The following DYNC1H1 variants were observed in gnomAD, a reference collection of about 807,000 sequenced individuals.
The protein encoded by DYNC1H1 is dynein cytoplasmic 1 heavy chain 1.
DYNC1H1 carries 51 observed loss-of-function variants against 527.1 expected under a neutral mutation model. The ratio of observed to expected loss-of-function variants is 0.10; its 90% confidence interval spans 0.08 to 0.12. DYNC1H1 has a LOEUF of 0.12. DYNC1H1 is among the 10% of genes least tolerant of loss of function. The probability of loss-of-function intolerance (pLI) is 1.00; values close to 1 mark genes in which losing one functional copy is unlikely to be tolerated. For synonymous variants in DYNC1H1, 2,189 were observed against 2,278.8 expected, an observed-to-expected ratio of 0.96 and a Z score of 1.12; for missense variants, 2,771 against 5,971.8, an observed-to-expected ratio of 0.46 and a Z score of 17.66.
At chr14:101,971,499 G>A (rs887688164) in intron 1 of DYNC1H1, among the ~76,000 whole-genome samples, 4 of 152,188 alleles carry the variant, frequency 2.6e-5, no homozygotes, top group African/African-American at 9.6e-5. Context: ...GGCTGAGGCA[G>A]GCAGATCACT....
At chr14:102,003,443 G>A (rs1186504871) in intron 23 of DYNC1H1, among the ~76,000 whole-genome samples, 1 of 151,928 alleles carries the variant, frequency 6.6e-6, no homozygotes, top group African/African-American at 2.4e-5. Flanking sequence ...TATATTTTTA[G>A]TAGAGATGGG....
rs752231479 is a variant in DYNC1H1 at position 102,029,975 on chromosome 14, G to A, written c.9762+37G>A. On this transcript the variant is annotated intron_variant, in intron 50 of 77. Coordinates refer to ENST00000360184, the MANE Select transcript of DYNC1H1 (RefSeq NM_001376.5). The surrounding 1 kb of genome is among the most constrained non-coding windows in gnomAD (Gnocchi z 5.3). ...GGGAATTCTGGCCTGTAAGGACTGA[G>A]CATTTTCAGTCTCCAATGAGAGAGT... 1 of 1,613,946 alleles carries A rather than the reference G, an allele frequency of 6.2e-7. No individual in the cohort carries two copies. Among genetic ancestry groups the A allele is most frequent in the Non-Finnish European group, 8.5e-7 (1 of 1,180,002 alleles).
intron 2 of DYNC1H1, among the ~76,000 whole-genome samples, chr14:101,977,575 C>T (rs1234809940): frequency 3.3e-5 from 5 of 152,158 alleles, no homozygotes; most frequent in Non-Finnish European, 7.3e-5. Flanking sequence ...AATTATAGTA[C>T]ATGTTGAAAT....
chr14:102,015,872 C>G lies in DYNC1H1; in HGVS notation c.7259C>G (p.Ala2420Gly). The G allele has an allele frequency of 6.2e-7, 1 of 1,614,218 alleles. No homozygotes were observed. Among genetic ancestry groups the G allele is most frequent in the Non-Finnish European group, 8.5e-7 (1 of 1,180,040 alleles). Residue 2420 changes from alanine to glycine, a missense_variant, in exon 36 of 78, where the codon GCT becomes GGT. By Grantham distance (60) the Ala-to-Gly change is moderately conservative. This residue lies in a region of DYNC1H1 where 122 missense variants were observed against 168.4 expected (regional missense o/e 0.72). Transcript: ENST00000360184. The surrounding 1 kb of genome is among the most constrained non-coding windows in gnomAD (Gnocchi z 6.9). ...SPMLQIQRDA[A>G]TIMQPYFTSN... ...ACTTTCTAGATCCAAAGAGATGCAGCTACGATCATGCAACCGTACTTCACG... is the reference window on the plus strand; with the variant it reads ...ACTTTCTAGATCCAAAGAGATGCAGGTACGATCATGCAACCGTACTTCACG...
In DYNC1H1 at chr14:102,016,600, CA is replaced by C. The variant is rs1381068008; in HGVS notation, c.7614+112del. On this transcript the variant is annotated intron_variant, in intron 37 of 77. Coordinates refer to ENST00000360184, the MANE Select transcript of DYNC1H1 (RefSeq NM_001376.5). The surrounding 1 kb of genome is among the most constrained non-coding windows in gnomAD (Gnocchi z 7.3). ...TTCGTCTTTTCATTTTATTCCATTT[CA>C]TAGAAGGACTTTATCCTTTTAGTTC... The C allele has an allele frequency of 4.0e-5, 63 of 1,593,132 alleles. No homozygotes were observed. The highest frequency in any genetic ancestry group is 5.1e-5 in the Non-Finnish European group (59 of 1,163,674).
At chr14:101,987,772 C>A in intron 9 of DYNC1H1, 140 bp downstream of exon 9, 1 of 1,041,732 alleles carries the variant, frequency 9.6e-7, no homozygotes, top group South Asian at 1.4e-5. Context: ...TCTCATTTAA[C>A]TAGTGATAGA....
Position 102,011,943 on chromosome 14 carries a change from G to C in DYNC1H1, c.6687G>C (p.Gly2229=), listed in dbSNP as rs553054991. Residue 2229 remains glycine, a synonymous_variant, in exon 33 of 78, where the codon GGG becomes GGC. Transcript: ENST00000360184. The surrounding 1 kb of genome is among the most constrained non-coding windows in gnomAD (Gnocchi z 5.3). ...GLMMVGPSGS[G]KSMAWRVLLK... ...TGATGGTGGGGCCCTCGGGAAGTGG[G>C]AAGAGCATGGCCTGGCGTGTCCTGC... The C allele has an allele frequency of 3.7e-6, 6 of 1,614,006 alleles. No individual in the cohort carries two copies. Among genetic ancestry groups the C allele is most frequent in the Admixed American group, 1.7e-5 (1 of 59,990 alleles).
intron 13 of DYNC1H1, 65 bp downstream of exon 13, chr14:101,994,914 G>A (rs1595605389): frequency 6.2e-7 from 1 of 1,613,522 alleles, no homozygotes; most frequent in Non-Finnish European, 8.5e-7. Flanking sequence ...CTGTTAGACT[G>A]ATATTCATTT....
chr14:102,052,916 C>T lies in DYNC1H1; in HGVS notation c.*2353C>T, dbSNP rs1463037083. On this transcript the variant is annotated 3_prime_UTR_variant, in exon 78 of 78. Coordinates refer to ENST00000360184, the MANE Select transcript of DYNC1H1 (RefSeq NM_001376.5). ...CAGTGTGTAGGAAGCCACCTTACAG[C>T]TCATGTCACCCAGAGAACAGTCGTT... 2 of 152,184 alleles carry T rather than the reference C, an allele frequency of 1.3e-5. No individual in the cohort carries two copies. The highest frequency in any genetic ancestry group is 2.9e-5 in the Non-Finnish European group (2 of 68,046). 9.4% of individuals were successfully genotyped at this position (152,184 alleles called of 1,614,324 possible).
rs1406226969 is a variant in DYNC1H1, at chr14:102,041,727, G to T, written c.12095G>T (p.Gly4032Val). 1 of 1,613,946 alleles carries T rather than the reference G, an allele frequency of 6.2e-7. No individual in the cohort carries two copies. Among genetic ancestry groups the T allele is most frequent in the Admixed American group, 1.7e-5 (1 of 59,996 alleles). The change falls in exon 65 of 78, where the codon GGC (glycine) becomes GTC (valine). Residue 4032 changes from glycine (G) to valine (V), a missense_variant. This residue lies in a region of DYNC1H1 where 195 missense variants were observed against 428.6 expected (regional missense o/e 0.45). Coordinates refer to ENST00000360184, the MANE Select transcript of DYNC1H1 (RefSeq NM_001376.5). The surrounding 1 kb of genome is among the most constrained non-coding windows in gnomAD (Gnocchi z 4.5). ...EQPLDLTHIV[G>V]TEVKPNTPVL... ...CCGCTCGACCTGACCCACATTGTGG[G>T]CACAGAGGTAATGTCCTGGTACAGC...
Position 101,964,576 on chromosome 14 carries a change from C to G in DYNC1H1, c.-116C>G. 1.3e-6 allele frequency: 2 copies of G among 1,515,812 alleles called. No individual in the cohort carries two copies. Among genetic ancestry groups the G allele is most frequent in the Non-Finnish European group, 1.8e-6 (2 of 1,135,848 alleles). 93.9% of individuals were successfully genotyped at this position (1,515,812 alleles called of 1,614,324 possible). ...GGAGCCGGCTCCCGCTCTCCTCAGTCTGCGGTGGGCTAGCGGACGGTCCGG... is the reference window on the plus strand; with the variant it reads ...GGAGCCGGCTCCCGCTCTCCTCAGTGTGCGGTGGGCTAGCGGACGGTCCGG... On this transcript the variant is annotated 5_prime_UTR_variant, in exon 1 of 78. Coordinates refer to ENST00000360184, the MANE Select transcript of DYNC1H1 (RefSeq NM_001376.5). This position sits in a 1 kb window ranked among gnomAD's most constrained non-coding sequence, Gnocchi z 5.5.
intron 77 of DYNC1H1, 33 bp from the exon 78 acceptor site, chr14:102,050,402 T>G: frequency 4.3e-6 from 7 of 1,614,194 alleles, no homozygotes; most frequent in Non-Finnish European, 5.9e-6. Flanking sequence ...TACTTTTCCC[T>G]TAAGCCACCA....
rs757171419 is a variant in DYNC1H1 at position 101,987,433 on chromosome 14, T to C, written c.2539-20T>C. On this transcript the variant is annotated intron_variant, in intron 8 of 77. Coordinates refer to ENST00000360184, the MANE Select transcript of DYNC1H1 (RefSeq NM_001376.5). ...AGAGTGTGAGTGGGTGTTTTAAATA[T>C]TAAATATTTCTTCCTTCAGGTGGAT... is the stretch of plus-strand genomic sequence containing the variant. The C allele has an allele frequency of 6.2e-7, 1 of 1,611,288 alleles. No homozygotes were observed. The highest frequency in any genetic ancestry group is 8.5e-7 in the Non-Finnish European group (1 of 1,178,162).
Position 101,979,675 on chromosome 14 carries a change from G to A in DYNC1H1, c.519-44G>A, listed in dbSNP as rs1266129687. 1 of 1,612,748 alleles carries A rather than the reference G, an allele frequency of 6.2e-7. No individual in the cohort carries two copies. Among genetic ancestry groups the A allele is most frequent in the Non-Finnish European group, 8.5e-7 (1 of 1,179,986 alleles). On this transcript the variant is annotated intron_variant, in intron 3 of 77. Transcript: ENST00000360184. The surrounding 1 kb of genome is among the most constrained non-coding windows in gnomAD (Gnocchi z 4.6). ...CCTGAAATGATGGGATCTCTTTGGAGACCAATAGCACACTAAATGTTGAGG... is the reference window on the plus strand; with the variant it reads ...CCTGAAATGATGGGATCTCTTTGGAAACCAATAGCACACTAAATGTTGAGG...
rs17512607 is a variant in DYNC1H1, at chr14:102,027,908, C to G, written c.9264-29C>G. The G allele has an allele frequency of 1.6e-4, 260 of 1,614,228 alleles. No individual in the cohort carries two copies. The African/African-American group carries it at 3.1e-3, about 20-fold the overall frequency. The stretch of plus-strand genomic sequence containing the variant: ...AAGGGACAAAGCCTGCCCCTCATAG[C>G]TGTCCTGAAACATGGGCCTCTTTCT... On this transcript the variant is annotated intron_variant, in intron 47 of 77. Transcript: ENST00000360184. This position sits in a 1 kb window ranked among gnomAD's most constrained non-coding sequence, Gnocchi z 7.7.
In DYNC1H1 at chr14:102,049,147, T is replaced by C; in HGVS notation, c.13373-293T>C. The C allele has an allele frequency of 2.1e-6, 1 of 486,954 alleles. No homozygotes were observed. Among genetic ancestry groups the C allele is most frequent in the Non-Finnish European group, 3.8e-6 (1 of 265,380 alleles). The allele number at this position is 486,954 out of a possible 1,614,324, so 30.2% of individuals were successfully genotyped here. ...ACTGAGCCACTTGTGTGACATGAGG[T>C]TTTAGCCGCGGTTTTGCTTGGATGT... On this transcript the variant is annotated intron_variant, in intron 74 of 77. Transcript: ENST00000360184. This position sits in a 1 kb window ranked among gnomAD's most constrained non-coding sequence, Gnocchi z 5.5.
rs996769131 is a variant in DYNC1H1, at chr14:101,972,226, A to G, written c.257-3486A>G. On this transcript the variant is annotated intron_variant, in intron 1 of 77. Coordinates refer to ENST00000360184, the MANE Select transcript of DYNC1H1 (RefSeq NM_001376.5). ...TCTGGACAACTATTTAAAAAAAAAA[A>G]AAAGAAAGAAAAGTAGAATGTCAGA... Among the ~76,000 whole-genome samples, 34 of 152,150 alleles carry G rather than the reference A, an allele frequency of 2.2e-4. 1 individual carries two copies. Among genetic ancestry groups the G allele is most frequent in the Non-Finnish European group, 5.9e-5 (4 of 68,022 alleles).
Position 101,979,595 on chromosome 14 carries a change from A to AGGG in DYNC1H1, c.518+105_518+107dup. 1 of 1,605,702 alleles carries AGGG rather than the reference A, an allele frequency of 6.2e-7. No individual in the cohort carries two copies. The highest frequency in any genetic ancestry group is 8.5e-7 in the Non-Finnish European group (1 of 1,173,868). ...TTGGGAGGGTAACGCTAGTGAGCCGAGGGGATATAAACCCTGTGTATTAAT... is the reference window on the plus strand; with the variant it reads ...TTGGGAGGGTAACGCTAGTGAGCCGAGGGGGGGATATAAACCCTGTGTATTAAT... On this transcript the variant is annotated intron_variant, in intron 3 of 77. Coordinates refer to ENST00000360184, the MANE Select transcript of DYNC1H1 (RefSeq NM_001376.5). This position sits in a 1 kb window ranked among gnomAD's most constrained non-coding sequence, Gnocchi z 4.6.
At position 102,027,469 on chromosome 14, in the gene DYNC1H1, A is replaced by T. The variant is rs1226743591; in HGVS notation, c.8973A>T (p.Ala2991=). ...CTGGCTGTAAAAATGAAAAGATAGCATTTATAATGGATGAATCTAATGTGT... is the reference window on the plus strand; with the variant it reads ...CTGGCTGTAAAAATGAAAAGATAGCTTTTATAATGGATGAATCTAATGTGT... ...RRSGCKNEKI[A]FIMDESNVLD... The change falls in exon 46 of 78, where the codon GCA becomes GCT. Residue 2991 remains alanine, a synonymous_variant. Transcript: ENST00000360184. This position sits in a 1 kb window ranked among gnomAD's most constrained non-coding sequence, Gnocchi z 7.7. 6.2e-7 allele frequency: 1 copy of T among 1,614,002 alleles called. No individual in the cohort carries two copies. The highest frequency in any genetic ancestry group is 8.5e-7 in the Non-Finnish European group (1 of 1,180,038).
Sources: allele counts gnomAD v4.1 joint callset (sites outside exome capture counted in the v4.1 genomes callset), GRCh38; gene constraint gnomAD v4.1.1; regional missense constraint gnomAD v4.1.1; non-coding constraint Gnocchi (gnomAD v3.1); transcripts MANE v1.5; gene names NCBI Gene and HGNC (gene_info 2026-07-23, HGNC 2026-07-21).